The following PSMG2 variants were observed in gnomAD, a reference collection of about 807,000 sequenced individuals.
PSMG2 encodes the protein CD40 ligand-activated specific transcript 3.
PSMG2 carries 21 observed loss-of-function variants against 31.5 expected under a neutral mutation model. That is an observed-to-expected ratio of 0.67 (90% CI 0.47 to 0.96). The LOEUF (loss-of-function observed/expected upper bound fraction) is 0.96, where lower values mean the gene tolerates loss of function less well. Among genes scored for constraint, PSMG2 ranks in the 40% least tolerant of loss-of-function variants. The probability of loss-of-function intolerance (pLI) is 0.00; values close to 1 mark genes in which losing one functional copy is unlikely to be tolerated. For synonymous variants in PSMG2, 120 were observed against 110.4 expected, an observed-to-expected ratio of 1.09 and a Z score of -0.54; for missense variants, 318 against 321.2, an observed-to-expected ratio of 0.99 and a Z score of 0.08.
At chr18:12,724,818 A>C in intron 6 of PSMG2, 199 bp downstream of exon 6, 1 of 516,452 alleles carries the variant, frequency 1.9e-6, no homozygotes. Context: ...TTTTTCATTA[A>C]AGCTGACTTT....
chr18:12,677,844 G>C (rs2039198435), intron 1 of PSMG2, among the ~76,000 whole-genome samples: 2 of 152,118 alleles, frequency 1.3e-5, no homozygotes, highest in South Asian at 4.1e-4. Flanking sequence ...CAAAAATCTT[G>C]ACTCTAAGGG....
At chr18:12,663,833 G>A (rs537538265) in intron 1 of PSMG2, among the ~76,000 whole-genome samples, 6 of 152,228 alleles carry the variant, frequency 3.9e-5, no homozygotes, top group East Asian at 3.9e-4. Context: ...GCAGTGGTGC[G>A]ATCATAGCTC....
intron 4 of PSMG2, among the ~76,000 whole-genome samples, chr18:12,719,354 T>C (rs1418438538): frequency 1.3e-5 from 2 of 152,310 alleles, no homozygotes; most frequent in African/African-American, 4.8e-5. Context: ...TGATAACATA[T>C]CATATAGAAT....
intron 1 of PSMG2, chr18:12,685,575 GGTTA>G (rs2039512225): frequency 6.6e-6 from 1 of 151,814 alleles, no homozygotes; most frequent in African/African-American, 2.4e-5. Flanking sequence ...ACCCCAAAGC[GGTTA>G]GTTCCAGGAC....
At chr18:12,672,769 T>C (rs1452276352) in intron 1 of PSMG2, 1 of 977,248 alleles carries the variant, frequency 1.0e-6, no homozygotes, top group Non-Finnish European at 1.2e-6. Context: ...TATGAGGTTA[T>C]TAATATTTAT....
At chr18:12,711,219 C>T (rs1460806940) in intron 2 of PSMG2, among the ~76,000 whole-genome samples, 1 of 152,104 alleles carries the variant, frequency 6.6e-6, no homozygotes, top group Admixed American at 6.6e-5. Flanking sequence ...TTGGAGTGAG[C>T]CGATATCGCA....
At chr18:12,668,594 T>A (rs2038853587) in intron 1 of PSMG2, among the ~76,000 whole-genome samples, 1 of 15,962 alleles carries the variant, frequency 6.3e-5, no homozygotes, top group African/African-American at 2.7e-4. Flanking sequence ...TAAGATTCCA[T>A]CTCAAAAAAA....
At chr18:12,701,256 G>GA (rs2040140417), upstream of PSMG2, 5 of 613,622 alleles carry the variant, frequency 8.1e-6, no homozygotes, top group Non-Finnish European at 1.1e-5. Context: ...TTTAAAGAAT[G>GA]AATCTTTTGA....
intron 1 of PSMG2, among the ~76,000 whole-genome samples, chr18:12,682,673 G>A (rs1408072279): frequency 6.6e-6 from 1 of 151,892 alleles, no homozygotes; most frequent in Non-Finnish European, 1.5e-5. Context: ...CTGTCACCCA[G>A]GCTGGAATGC....
At chr18:12,684,830 A>C (rs2039481576) in intron 1 of PSMG2, 1 of 152,068 alleles carries the variant, frequency 6.6e-6, no homozygotes, top group African/African-American at 2.4e-5. Flanking sequence ...CATTTTTAGA[A>C]CACAGATTAG....
chr18:12,693,708 G>A (rs577517014), intron 1 of PSMG2, among the ~76,000 whole-genome samples: 6 of 152,180 alleles, frequency 3.9e-5, no homozygotes, highest in Non-Finnish European at 7.4e-5. Context: ...GCTTGAACTC[G>A]GCAGGCAGAC....
At chr18:12,697,016 G>A (rs2039980438) in intron 1 of PSMG2, among the ~76,000 whole-genome samples, 1 of 152,074 alleles carries the variant, frequency 6.6e-6, no homozygotes, top group Admixed American at 6.5e-5. Context: ...CCTAAGACAA[G>A]GTCAGATTGA....
At chr18:12,721,371 TGTG>T (rs372307562) in intron 5 of PSMG2, among the ~76,000 whole-genome samples, 122 of 152,340 alleles carry the variant, frequency 8.0e-4, no homozygotes, top group African/African-American at 1.4e-3. Context: ...TTTTTTTAAT[TGTG>T]GTAAAATATA....
At chr18:12,710,201 C>T (rs536981015) in intron 2 of PSMG2, among the ~76,000 whole-genome samples, 44 of 152,164 alleles carry the variant, frequency 2.9e-4, no homozygotes, top group African/African-American at 9.9e-4. Flanking sequence ...CTCAGCTTCC[C>T]AAAGTGCTGG....
chr18:12,712,182 C>T (rs1230731759), intron 2 of PSMG2, among the ~76,000 whole-genome samples: 2 of 152,190 alleles, frequency 1.3e-5, no homozygotes, highest in East Asian at 3.8e-4. Context: ...CATTGACTCA[C>T]ATGACATTTT....
At chr18:12,663,326 C>T (rs2038736889) in intron 1 of PSMG2, 1 of 152,190 alleles carries the variant, frequency 6.6e-6, no homozygotes, top group Non-Finnish European at 1.5e-5. Flanking sequence ...AGGCTTGAGT[C>T]CAGTGGCATG....
chr18:12,699,971 T>A, upstream of PSMG2: 1 of 1,044,330 alleles, frequency 9.6e-7, no homozygotes, highest in Non-Finnish European at 1.4e-6. Flanking sequence ...GAAATGTCAA[T>A]AAACATGACT....
At chr18:12,707,336 T>C (rs889354155) in intron 2 of PSMG2, among the ~76,000 whole-genome samples, 1 of 152,162 alleles carries the variant, frequency 6.6e-6, no homozygotes, top group African/African-American at 2.4e-5. Context: ...CTCAGTTTTA[T>C]CTCCTGTTCT....
At chr18:12,683,742 ACT>A (rs2145033130) in intron 1 of PSMG2, among the ~76,000 whole-genome samples, 1 of 151,944 alleles carries the variant, frequency 6.6e-6, no homozygotes, top group African/African-American at 2.4e-5. Context: ...CAAGAGGAAA[ACT>A]CTGTCTCATT....
Sources: gnomAD v4.1 joint callset for allele counts (sites outside exome capture counted in the v4.1 genomes callset) on GRCh38, gnomAD v4.1.1 for gene constraint, MANE v1.5 for transcripts, NCBI Gene and HGNC (gene_info 2026-07-23, HGNC 2026-07-21) for gene names.